The following SLC39A5 variants were observed in gnomAD, a reference collection of about 807,000 sequenced individuals.
SLC39A5 encodes solute carrier family 39 member 5.
SLC39A5 carries 42 observed loss-of-function variants against 46.9 expected under a neutral mutation model. The observed-to-expected ratio is 0.90, with a 90% CI of 0.70 to 1.16. The LOEUF (loss-of-function observed/expected upper bound fraction) is 1.16. Among genes scored for constraint, SLC39A5 ranks in the 50% most tolerant of loss-of-function variants. SLC39A5 has a pLI of 0.00. For synonymous variants in SLC39A5, 311 were observed against 323.1 expected, an observed-to-expected ratio of 0.96 and a Z score of 0.40; for missense variants, 677 against 686.8, an observed-to-expected ratio of 0.99 and a Z score of 0.16.
At position 56,231,330 on chromosome 12, in the gene SLC39A5, T is replaced by C. The variant is rs147572362; in HGVS notation, c.56T>C (p.Leu19Ser). Residue 19 changes from leucine to serine, a missense_variant, in exon 4 of 13, where the codon TTG becomes TCG. Transcript: ENST00000454355. ...GCCGGCTTCTGTGTGTGGGTCGTCT[T>C]GGGCTGGGTAGGGGGCTCAGTCCCC... ...LLAGFCVWVV[L>S]GWVGGSVPNL... The C allele has an allele frequency of 6.4e-3, 10,383 of 1,613,412 alleles. 50 individuals carry two copies. Among genetic ancestry groups the C allele is most frequent in the South Asian group, 8.3e-3 (758 of 91,062 alleles).
intron 2 of SLC39A5, chr12:56,230,505 T>C (rs965371759): frequency 2.6e-5 from 4 of 152,126 alleles, no homozygotes; most frequent in African/African-American, 9.7e-5. Context: ...ATGGTACTAA[T>C]GGTGTTAAGG....
chr12:56,232,609 C>A, intron 4 of SLC39A5, 80 bp from the exon 5 acceptor site: 1 of 1,320,480 alleles, frequency 7.6e-7, no homozygotes, highest in Admixed American at 2.9e-5. Flanking sequence ...CCCCCATTCC[C>A]CCTAAAATCC....
At position 56,237,029 on chromosome 12, in the gene SLC39A5, A is replaced by T. The variant is rs778539711; in HGVS notation, c.1288+18A>T. Reference sequence around the variant, plus strand: ...CGAACTGGGTAGGAATGGCAGGAGCAGGGTGGGGTGGACTCCAGAAAGGAG... The same window carrying T: ...CGAACTGGGTAGGAATGGCAGGAGCTGGGTGGGGTGGACTCCAGAAAGGAG... On this transcript the variant is annotated intron_variant, in intron 11 of 12. Transcript: ENST00000454355. 1 of 1,613,984 alleles carries T rather than the reference A, an allele frequency of 6.2e-7. No homozygotes were observed. Among genetic ancestry groups the T allele is most frequent in the Non-Finnish European group, 8.5e-7 (1 of 1,179,910 alleles).
At position 56,234,876 on chromosome 12, in the gene SLC39A5, C is replaced by T. The variant is rs199802051; in HGVS notation, c.524C>T (p.Pro175Leu). The change falls in exon 6 of 13, where the codon CCT becomes CTT. Residue 175 changes from proline to leucine, a missense_variant. By Grantham distance (98) the Pro-to-Leu change is moderately conservative (BLOSUM62 -3). Coordinates refer to ENST00000454355, the MANE Select transcript of SLC39A5 (RefSeq NM_173596.3). ...AATTTTGGCTTGAGCCCCGCTGCTC[C>T]TCTGACCCCTCGTCAGTTTGCTCTG... ...LVNFGLSPAAPLTPRQFALLC... is the reference protein window; with the variant it reads ...LVNFGLSPAALLTPRQFALLC... 60 of 1,613,670 alleles carry T rather than the reference C, an allele frequency of 3.7e-5. No homozygotes were observed. In the Admixed American group the frequency reaches 4.0e-4, roughly 11 times the overall value.
At chr12:56,236,160 G>A (rs183975235) in intron 8 of SLC39A5, among the ~76,000 whole-genome samples, 53 of 152,330 alleles carry the variant, frequency 3.5e-4, no homozygotes, top group African/African-American at 1.2e-3. Context: ...ACAGGGAGTG[G>A]GTAGGGGCTC....
In SLC39A5 at chr12:56,231,341, G is replaced by C; in HGVS notation, c.67G>C (p.Gly23Arg). 6.2e-7 allele frequency: 1 copy of C among 1,613,678 alleles called. No individual in the cohort carries two copies. Among genetic ancestry groups the C allele is most frequent in the Non-Finnish European group, 8.5e-7 (1 of 1,179,906 alleles). The change falls in exon 4 of 13, where the codon GGG becomes CGG. Residue 23 changes from glycine to arginine, a missense_variant. Gly to Arg is a moderately radical substitution (Grantham distance 125, BLOSUM62 -2). Transcript: ENST00000454355. ...FCVWVVLGWV[G>R]GSVPNLGPAE... ...TGTGTGGGTCGTCTTGGGCTGGGTA[G>C]GGGGCTCAGTCCCCAACCTGGGCCC... is the stretch of plus-strand genomic sequence containing the variant.
Position 56,237,157 on chromosome 12 carries a change from T to C in SLC39A5, c.1296T>C (p.Phe432=). 1 of 1,613,830 alleles carries C rather than the reference T, an allele frequency of 6.2e-7. No homozygotes were observed. Among genetic ancestry groups the C allele is most frequent in the Non-Finnish European group, 8.5e-7 (1 of 1,179,996 alleles). Residue 432 remains phenylalanine, a synonymous_variant, in exon 12 of 13, where the codon TTT becomes TTC. Coordinates refer to ENST00000454355, the MANE Select transcript of SLC39A5 (RefSeq NM_173596.3). Reference sequence around the variant, plus strand: ...GTCCTCTGTCTCCAATAGGTGACTTTGCCATGCTGCTCCAGTCAGGGCTGT... The same window carrying C: ...GTCCTCTGTCTCCAATAGGTGACTTCGCCATGCTGCTCCAGTCAGGGCTGT... ...CHELPHELGD[F]AMLLQSGLSF...
chr12:56,232,170 T>C (rs1423735583), intron 4 of SLC39A5, among the ~76,000 whole-genome samples: 1 of 140,376 alleles, frequency 7.1e-6, no homozygotes, highest in East Asian at 2.0e-4. Context: ...TCTTTTTTTT[T>C]TTTTTTTTTT....
chr12:56,232,754 G>T lies in SLC39A5; in HGVS notation c.353G>T (p.Gly118Val), dbSNP rs765062633. 6 of 1,612,606 alleles carry T rather than the reference G, an allele frequency of 3.7e-6. No homozygotes were observed. In the Admixed American group the frequency reaches 6.7e-5, roughly 18 times the overall value. Residue 118 changes from glycine to valine, a missense_variant, in exon 5 of 13, where the codon GGT becomes GTT. Coordinates refer to ENST00000454355, the MANE Select transcript of SLC39A5 (RefSeq NM_173596.3). ...ATGCCTCTGGGTCCCTCAGGGTGGGGTGACCTGGAAGAGTCAAAGGCCCCT... is the reference window on the plus strand; with the variant it reads ...ATGCCTCTGGGTCCCTCAGGGTGGGTTGACCTGGAAGAGTCAAAGGCCCCT... Reference protein sequence around the residue: ...AGMPLGPSGWGDLEESKAPHL... With the variant: ...AGMPLGPSGWVDLEESKAPHL...
rs1484355273 is a variant in SLC39A5, at chr12:56,237,027, G to GC, written c.1288+17dup. ...CACGAACTGGGTAGGAATGGCAGGA[G>GC]CAGGGTGGGGTGGACTCCAGAAAGG... On this transcript the variant is annotated intron_variant, in intron 11 of 12. Transcript: ENST00000454355. 6.2e-7 allele frequency: 1 copy of GC among 1,613,926 alleles called. No homozygotes were observed. The highest frequency in any genetic ancestry group is 1.3e-5 in the African/African-American group (1 of 74,920).
chr12:56,231,463 C>T lies in SLC39A5; in HGVS notation c.189C>T (p.His63=), dbSNP rs774568236. ...LTAGGLARLL[H]SLGLGRVQGL... ...CAGGGGGCTTGGCGCGGCTTCTCCA[C>T]AGCCTGGGGCTAGGCCGAGTTCAGG... The change falls in exon 4 of 13, where the codon CAC becomes CAT. Residue 63 remains histidine, a synonymous_variant. Transcript: ENST00000454355. The T allele has an allele frequency of 4.3e-6, 7 of 1,613,788 alleles. No individual in the cohort carries two copies. Among genetic ancestry groups the T allele is most frequent in the Admixed American group, 1.7e-5 (1 of 59,980 alleles).
chr12:56,234,705 C>A (rs1870555356), intron 5 of SLC39A5, 119 bp from the exon 6 acceptor site: 5 of 1,094,736 alleles, frequency 4.6e-6, no homozygotes, highest in Non-Finnish European at 6.7e-6. Flanking sequence ...AGATGATACA[C>A]CCGCCTGGGC....
chr12:56,235,907 G>T, intron 8 of SLC39A5: 1 of 589,618 alleles, frequency 1.7e-6, no homozygotes, highest in Non-Finnish European at 2.9e-6. Context: ...GCTGGGCGTG[G>T]TGGTGCGTGT....
chr12:56,234,781 T>C (rs760249385), intron 5 of SLC39A5, 43 bp from the exon 6 acceptor site: 6 of 1,608,756 alleles, frequency 3.7e-6, no homozygotes, highest in Non-Finnish European at 5.1e-6. Flanking sequence ...ATCTGAGTCA[T>C]AGTTCCTGGT....
chr12:56,233,812 T>G (rs1230758517), intron 5 of SLC39A5, among the ~76,000 whole-genome samples: 1 of 152,208 alleles, frequency 6.6e-6, no homozygotes, highest in African/African-American at 2.4e-5. Flanking sequence ...TGGATGAACA[T>G]CGACAGGGCT....
At chr12:56,232,166 T>C (rs369029087) in intron 4 of SLC39A5, among the ~76,000 whole-genome samples, 1,792 of 124,560 alleles carry the variant, frequency 0.014, 21 homozygotes, top group African/African-American at 0.057. Context: ...CTTTTCTTTT[T>C]TTTTTTTTTT....
At chr12:56,233,264 C>CAAAAAA (rs71081337) in intron 5 of SLC39A5, among the ~76,000 whole-genome samples, 1 of 31,032 alleles carries the variant, frequency 3.2e-5, no homozygotes, top group Non-Finnish European at 5.3e-5. Flanking sequence ...GACTCTGTCT[C>CAAAAAA]AAAAAAAAAA....
chr12:56,235,957 C>T (rs1189626222), intron 8 of SLC39A5: 2 of 512,102 alleles, frequency 3.9e-6, no homozygotes, highest in East Asian at 3.8e-5. Context: ...GCAGGAGAAT[C>T]GCTTGACTTG....
At chr12:56,233,618 T>C (rs992234101) in intron 5 of SLC39A5, among the ~76,000 whole-genome samples, 1 of 152,068 alleles carries the variant, frequency 6.6e-6, no homozygotes, top group Non-Finnish European at 1.5e-5. Flanking sequence ...GCAGAGAATC[T>C]AGAGAAGCAG....
Sources: allele counts gnomAD v4.1 joint callset (sites outside exome capture counted in the v4.1 genomes callset), GRCh38; gene constraint gnomAD v4.1.1; transcripts MANE v1.5; gene names NCBI Gene and HGNC (gene_info 2026-07-23, HGNC 2026-07-21).